Variants in RANGAP1 observed in about 807,000 individuals in gnomAD.
RANGAP1 encodes the protein Ran GTPase activating protein 1, also known as ran GTPase-activating protein 1.
RANGAP1 carries 38 observed loss-of-function variants against 63.5 expected under a neutral mutation model. The observed-to-expected ratio is 0.60, with a 90% CI of 0.46 to 0.78. The LOEUF (loss-of-function observed/expected upper bound fraction) is 0.78. Ranked by LOEUF, RANGAP1 falls within the 30% of genes least tolerant of loss-of-function variation. The pLI is 0.00. For synonymous variants in RANGAP1, 329 were observed against 310.5 expected, an observed-to-expected ratio of 1.06 and a Z score of -0.63; for missense variants, 630 against 740.3, an observed-to-expected ratio of 0.85 and a Z score of 1.73.
the RANGAP1 span, among the ~76,000 whole-genome samples, chr22:41,300,428 TCACACACA>T: frequency 0.03 from 1,067 of 36,116 alleles, 56 homozygotes; most frequent in African/African-American, 0.043. Flanking sequence ...TATTGGGAAC[TCACACACA>T]CACACACACA....
At chr22:41,295,082 T>C in the RANGAP1 span, among the ~76,000 whole-genome samples, 1 of 124,098 alleles carries the variant, frequency 8.1e-6, no homozygotes, top group Non-Finnish European at 1.7e-5. Flanking sequence ...GGTGGGGGGG[T>C]CAGCCCCCCG....
the RANGAP1 span, among the ~76,000 whole-genome samples, chr22:41,294,732 T>C: frequency 1.5e-5 from 2 of 136,718 alleles, no homozygotes; most frequent in Admixed American, 7.4e-5. Flanking sequence ...GGAGCGTCTC[T>C]GCCCGGCCGC....
chr22:41,281,646 G>A, intron 1 of RANGAP1: 1 of 986,724 alleles, frequency 1.0e-6, no homozygotes, highest in Non-Finnish European at 1.2e-6. Flanking sequence ...GACTGGGCAG[G>A]CCACAATGGC....
At chr22:41,278,773 G>C (rs1190409529) in intron 2 of RANGAP1, among the ~76,000 whole-genome samples, 1 of 152,186 alleles carries the variant, frequency 6.6e-6, no homozygotes. Context: ...GGTCAAAGTG[G>C]GCGGATCACC....
Position 41,257,993 on chromosome 22 carries a change from C to T in RANGAP1, c.729G>A (p.Leu243=), listed in dbSNP as rs2033944982. The T allele has an allele frequency of 6.2e-7, 1 of 1,613,130 alleles. No homozygotes were observed. Among genetic ancestry groups the T allele is most frequent in the African/African-American group, 1.3e-5 (1 of 74,930 alleles). ...CCTTCTCAGTGAAGGTGTTGTCATT[C>T]AGGTTGATGACCCGCAGCAGGGGGT... The part of the protein sequence containing the change: ...AVNPLLRVIN[L]NDNTFTEKGA... The change falls in exon 7 of 16, where the codon CTG becomes CTA. Residue 243 remains leucine (L), a synonymous_variant. Transcript: ENST00000356244. The surrounding 1 kb of genome is among the most constrained non-coding windows in gnomAD (Gnocchi z 4.0).
intron 2 of RANGAP1, among the ~76,000 whole-genome samples, chr22:41,279,418 C>T (rs908231082): frequency 5.3e-5 from 8 of 151,084 alleles, no homozygotes; most frequent in East Asian, 1.9e-4. Context: ...TACAGTGAGC[C>T]GAGATTGCAC....
At chr22:41,266,622 C>T (rs2034491319) in intron 4 of RANGAP1, among the ~76,000 whole-genome samples, 1 of 152,218 alleles carries the variant, frequency 6.6e-6, no homozygotes, top group African/African-American at 2.4e-5. Flanking sequence ...CAACCTTCAC[C>T]TCCCAGGTTC....
intron 3 of RANGAP1, among the ~76,000 whole-genome samples, chr22:41,273,505 C>T (rs1245803769): frequency 3.3e-5 from 5 of 151,880 alleles, no homozygotes; most frequent in Admixed American, 6.6e-5. Context: ...CAGTGGCTCA[C>T]GCCTGTAATC....
chr22:41,277,670 C>T (rs2035238751), intron 2 of RANGAP1, among the ~76,000 whole-genome samples: 1 of 152,138 alleles, frequency 6.6e-6, no homozygotes, highest in Non-Finnish European at 1.5e-5. Context: ...CCTGGTTGGG[C>T]CAGAACCCAA....
At chr22:41,249,279 C>A (rs773055709) in intron 15 of RANGAP1, 51 bp downstream of exon 15, 1 of 1,543,410 alleles carries the variant, frequency 6.5e-7, no homozygotes, top group South Asian at 1.3e-5. Context: ...CAGACCTGGC[C>A]AGAGAAGCCC....
At position 41,257,120 on chromosome 22, in the gene RANGAP1, C is replaced by T. The variant is rs2033890909; in HGVS notation, c.775-296G>A. Among the ~76,000 whole-genome samples the T allele has an allele frequency of 6.6e-6, 1 of 152,132 alleles. No homozygotes were observed. The highest frequency in any genetic ancestry group is 2.4e-5 in the African/African-American group (1 of 41,424). The stretch of plus-strand genomic sequence containing the variant: ...TCCCTCTGCCTGAAACACCCATCCC[C>T]CACCCTCTGTCCAGAGAAAGACCAC... On this transcript the variant is annotated intron_variant, in intron 7 of 15. Coordinates refer to ENST00000356244, the MANE Select transcript of RANGAP1 (RefSeq NM_002883.4). The surrounding 1 kb of genome is among the most constrained non-coding windows in gnomAD (Gnocchi z 4.0).
chr22:41,280,907 C>A (rs1350907792), intron 2 of RANGAP1, 26 bp downstream of exon 2: 1 of 1,613,488 alleles, frequency 6.2e-7, no homozygotes, highest in East Asian at 2.2e-5. Flanking sequence ...CCTGGACACA[C>A]CAGTGCACAA....
In RANGAP1 at chr22:41,271,400, A is replaced by C. The variant is rs552119134; in HGVS notation, c.240+3200T>G. 3.2e-4 allele frequency among the ~76,000 whole-genome samples: 48 copies of C among 150,648 alleles called. No individual in the cohort carries two copies. In the East Asian group the frequency reaches 8.0e-3, roughly 25 times the overall value. On this transcript the variant is annotated intron_variant, in intron 3 of 15. Transcript: ENST00000356244. ...GAAACTGTCTCTAAAAAAAAACAAA[A>C]AAAAAAAACAAAAACGCCGGGTGCA...
At chr22:41,284,882 C>G (rs1897614666) in intron 1 of RANGAP1, 1 of 152,156 alleles carries the variant, frequency 6.6e-6, no homozygotes, top group Non-Finnish European at 1.5e-5. Flanking sequence ...AGAAACCAGC[C>G]CAGTGCAATA....
the RANGAP1 span, among the ~76,000 whole-genome samples, chr22:41,292,170 G>A: frequency 4.0e-5 from 6 of 151,070 alleles, no homozygotes; most frequent in Non-Finnish European, 7.4e-5. Context: ...TTTTTGAGAC[G>A]GAGTTTCGCT....
chr22:41,260,569 C>T (rs749935177), intron 6 of RANGAP1, among the ~76,000 whole-genome samples: 8 of 152,160 alleles, frequency 5.3e-5, no homozygotes, highest in South Asian at 4.1e-4. Context: ...GAAGAGGGGC[C>T]GGACGTGGTG....
chr22:41,287,381 TG>T (rs1413082284), upstream of RANGAP1, among the ~76,000 whole-genome samples: 21 of 130,136 alleles, frequency 1.6e-4, no homozygotes, highest in Admixed American at 6.7e-4. Context: ...GTTTTTTTTT[TG>T]TTTTTTTTTT....
the RANGAP1 span, among the ~76,000 whole-genome samples, chr22:41,299,134 T>C: frequency 6.6e-6 from 1 of 151,916 alleles, no homozygotes; most frequent in Non-Finnish European, 1.5e-5. Flanking sequence ...ATTCAACATA[T>C]GAATTTTTTT....
chr22:41,249,595 AC>A, intron 14 of RANGAP1, 133 bp downstream of exon 14: 1 of 1,528,472 alleles, frequency 6.5e-7, no homozygotes, highest in East Asian at 2.3e-5. Flanking sequence ...GCTGGGGCAG[AC>A]CCAGGCCTCG....
Sources: gnomAD v4.1 joint callset for allele counts (sites outside exome capture counted in the v4.1 genomes callset) on GRCh38, gnomAD v4.1.1 for gene constraint, Gnocchi (gnomAD v3.1) non-coding constraint, MANE v1.5 for transcripts, NCBI Gene and HGNC (gene_info 2026-07-23, HGNC 2026-07-21) for gene names.